Variants in PPP2R2C observed in about 807,000 individuals in gnomAD.
PPP2R2C encodes the protein protein phosphatase 2, regulatory subunit B, gamma.
Under a neutral mutation model 45.3 loss-of-function variants are expected in PPP2R2C, and 10 were observed. That is an observed-to-expected ratio of 0.22 (90% CI 0.14 to 0.37). The LOEUF is 0.37. Among genes scored for constraint, PPP2R2C ranks in the 10% least tolerant of loss-of-function variants. The pLI is 1.00. For missense variants in PPP2R2C, 308 were observed against 619.7 expected, an observed-to-expected ratio of 0.50 and a Z score of 5.34; for synonymous variants, 257 against 245.4, an observed-to-expected ratio of 1.05 and a Z score of -0.44.
At chr4:6,510,998 C>CA (rs1190184264) in intron 2 of PPP2R2C, among the ~76,000 whole-genome samples, 941 of 77,166 alleles carry the variant, frequency 0.012, 56 homozygotes, top group African/African-American at 0.037. Context: ...AACAAACAAA[C>CA]AAAAAAAAAA....
intron 5 of PPP2R2C, among the ~76,000 whole-genome samples, chr4:6,372,023 C>T (rs1714870349): frequency 6.6e-6 from 1 of 152,204 alleles, no homozygotes; most frequent in Non-Finnish European, 1.5e-5. Flanking sequence ...CACAGGAGAA[C>T]ACCGAGCAGG....
chr4:6,380,817 A>G (rs1229154073), intron 2 of PPP2R2C, among the ~76,000 whole-genome samples, 180 bp downstream of exon 2: 1 of 151,922 alleles, frequency 6.6e-6, no homozygotes, highest in Non-Finnish European at 1.5e-5. Context: ...TGATCCAGGC[A>G]AGACACCCCA....
At chr4:6,557,452 C>G (rs1725439982) in intron 1 of PPP2R2C, among the ~76,000 whole-genome samples, 1 of 151,982 alleles carries the variant, frequency 6.6e-6, no homozygotes, top group African/African-American at 2.4e-5. Flanking sequence ...ATGGAGACTC[C>G]CTGGGTGGGA....
At chr4:6,530,304 A>T (rs1236640840) in intron 2 of PPP2R2C, among the ~76,000 whole-genome samples, 1 of 152,134 alleles carries the variant, frequency 6.6e-6, no homozygotes, top group African/African-American at 2.4e-5. Flanking sequence ...CCCAGGGAGG[A>T]GAGGAGCTTA....
At chr4:6,453,295 C>T (rs912231468) in intron 1 of PPP2R2C, among the ~76,000 whole-genome samples, 1 of 152,294 alleles carries the variant, frequency 6.6e-6, no homozygotes, top group South Asian at 2.1e-4. Context: ...GAGTCCCTCT[C>T]CACCCTGAAG....
chr4:6,361,336 C>T (rs552769692), intron 5 of PPP2R2C, among the ~76,000 whole-genome samples: 1 of 152,330 alleles, frequency 6.6e-6, no homozygotes, highest in African/African-American at 2.4e-5. Context: ...TTCATAAGTG[C>T]TTAGAAAGGA....
chr4:6,348,389 G>A (rs1280168916), intron 5 of PPP2R2C, among the ~76,000 whole-genome samples: 1 of 151,858 alleles, frequency 6.6e-6, no homozygotes. Context: ...AAGAAAAAGA[G>A]CATTTATATT....
chr4:6,557,773 TGAA>T (rs1168736733), intron 1 of PPP2R2C, among the ~76,000 whole-genome samples: 1 of 151,886 alleles, frequency 6.6e-6, no homozygotes, highest in Non-Finnish European at 1.5e-5. Context: ...GTAGTAGAGA[TGAA>T]GAAGGAGAGG....
chr4:6,382,216 A>G, intron 1 of PPP2R2C: 1 of 1,202,988 alleles, frequency 8.3e-7, no homozygotes, highest in Non-Finnish European at 1.1e-6. Flanking sequence ...AGGCCCAAGC[A>G]GCAAAAGCTA....
At chr4:6,515,523 A>C (rs968710987) in intron 2 of PPP2R2C, among the ~76,000 whole-genome samples, 2 of 152,232 alleles carry the variant, frequency 1.3e-5, no homozygotes, top group African/African-American at 4.8e-5. Flanking sequence ...CATGCACAAA[A>C]AGAGAACCAC....
intron 1 of PPP2R2C, chr4:6,420,847 A>G (rs1031013846): frequency 5.2e-6 from 4 of 775,120 alleles, no homozygotes; most frequent in Non-Finnish European, 6.3e-6. Flanking sequence ...GCCAGTGCCC[A>G]GGTCTGTGCT....
chr4:6,533,225 G>A (rs879433500), intron 2 of PPP2R2C, among the ~76,000 whole-genome samples: 28 of 152,138 alleles, frequency 1.8e-4, no homozygotes, highest in Non-Finnish European at 3.5e-4. Flanking sequence ...AGAGAACATG[G>A]CAGGAGTAAA....
chr4:6,379,822 C>T (rs1390851078), intron 2 of PPP2R2C, among the ~76,000 whole-genome samples: 1 of 152,214 alleles, frequency 6.6e-6, no homozygotes, highest in East Asian at 1.9e-4. Flanking sequence ...CCCACAGGGT[C>T]ACCGTGAGGA....
upstream of PPP2R2C, among the ~76,000 whole-genome samples, chr4:6,473,462 C>G (rs1482720481): frequency 6.6e-6 from 1 of 152,198 alleles, no homozygotes; most frequent in Non-Finnish European, 1.5e-5. Flanking sequence ...GCACGGGACA[C>G]AAGCCCCAGT....
intron 1 of PPP2R2C, chr4:6,384,410 A>G (rs539302878): frequency 5.0e-5 from 49 of 984,910 alleles, no homozygotes; most frequent in Non-Finnish European, 5.2e-5. Flanking sequence ...GCTTTAGGGT[A>G]GCTGGAACAA....
chr4:6,457,354 C>T (rs2108753566), intron 1 of PPP2R2C, among the ~76,000 whole-genome samples: 2 of 152,046 alleles, frequency 1.3e-5, no homozygotes, highest in Admixed American at 1.3e-4. Flanking sequence ...TTACAAATGT[C>T]CATAGGGAAT....
chr4:6,448,020 T>C (rs1307792723), intron 1 of PPP2R2C, among the ~76,000 whole-genome samples: 1 of 152,114 alleles, frequency 6.6e-6, no homozygotes, highest in South Asian at 2.1e-4. Flanking sequence ...GAGCAGAGGC[T>C]CCTGGTACAC....
chr4:6,552,599 C>T (rs73086936), intron 1 of PPP2R2C, among the ~76,000 whole-genome samples: 5,827 of 151,976 alleles, frequency 0.038, 354 homozygotes, highest in African/African-American at 0.13. Context: ...GACCCTCCTA[C>T]CTCCCTCTTA....
intron 1 of PPP2R2C, among the ~76,000 whole-genome samples, chr4:6,449,755 G>A (rs534491955): frequency 1.6e-4 from 25 of 152,326 alleles, no homozygotes; most frequent in African/African-American, 5.8e-4. Flanking sequence ...TCCCGCACAA[G>A]GGCCTGCTCT....
Sources: allele counts gnomAD v4.1 joint callset (sites outside exome capture counted in the v4.1 genomes callset), GRCh38; gene constraint gnomAD v4.1.1; transcripts MANE v1.5; gene names NCBI Gene and HGNC (gene_info 2026-07-23, HGNC 2026-07-21).